Variants in STON2 observed in about 807,000 individuals in gnomAD.
STON2 encodes the protein stonin-2.
A neutral mutation model predicts 65.7 loss-of-function variants in STON2; 29 were observed. The ratio of observed to expected loss-of-function variants is 0.44; its 90% CI spans 0.33 to 0.60. The LOEUF (loss-of-function observed/expected upper bound fraction) is 0.60, where lower values mean the gene tolerates loss of function less well. Ranked by LOEUF, STON2 falls within the 20% of genes least tolerant of loss-of-function variation. STON2 has a pLI of 0.03. For missense variants in STON2, 1,054 were observed against 1,118.1 expected, an observed-to-expected ratio of 0.94 and a Z score of 0.82; for synonymous variants, 404 against 414.2, an observed-to-expected ratio of 0.98 and a Z score of 0.30.
At chr14:81,400,916 C>T (rs571881275), upstream of STON2, among the ~76,000 whole-genome samples, 6 of 152,256 alleles carry the variant, frequency 3.9e-5, no homozygotes, top group African/African-American at 7.2e-5. Flanking sequence ...AGATAATGTA[C>T]GCCAAGTACT....
In STON2 at chr14:81,266,757, C is replaced by G; in HGVS notation, c.*1657G>C. ...TCCATTTCTGTAAGGAAATATTTCT[C>G]TATAAACTACCGTGAAACCAGGTCT... On this transcript the variant is annotated 3_prime_UTR_variant, in exon 8 of 8. Transcript: ENST00000614646. 2 of 985,362 alleles carry G rather than the reference C, an allele frequency of 2.0e-6. No homozygotes were observed. The highest frequency in any genetic ancestry group is 9.4e-5 in the South Asian group (2 of 21,292). 61.0% of individuals were successfully genotyped at this position (985,362 alleles called of 1,614,324 possible).
At chr14:81,341,448 TTTTTTTTTG>T (rs201777225) in intron 4 of STON2, among the ~76,000 whole-genome samples, 12,447 of 144,936 alleles carry the variant, frequency 0.086, 871 homozygotes, top group East Asian at 0.21. Context: ...TTATAAGTGT[TTTTTTTTTG>T]TTTTTTTTTT....
At chr14:81,286,417 G>A (rs1405463217) in intron 5 of STON2, among the ~76,000 whole-genome samples, 1 of 152,148 alleles carries the variant, frequency 6.6e-6, no homozygotes, top group Non-Finnish European at 1.5e-5. Flanking sequence ...CCACCACCCT[G>A]AGGCAAGGCT....
chr14:81,265,238 CG>C lies in STON2; in HGVS notation c.*3175del, dbSNP rs1327395629. ...TTTAAACCTAGTAAAACACTCATTA[CG>C]TCTAAAAATATATAGTATTATTATC... On this transcript the variant is annotated 3_prime_UTR_variant, in exon 8 of 8. Transcript: ENST00000614646. 2.3e-5 allele frequency: 23 copies of C among 983,588 alleles called. No individual in the cohort carries two copies. Among genetic ancestry groups the C allele is most frequent in the Non-Finnish European group, 2.7e-5 (22 of 828,450 alleles). The allele number at this position is 983,588 out of a possible 1,614,324, so 60.9% of individuals were successfully genotyped here.
intron 2 of STON2, chr14:81,412,842 C>A: frequency 2.0e-6 from 1 of 490,444 alleles, no homozygotes. Flanking sequence ...AACTTTCTGT[C>A]AAACATTAAA....
intron 3 of STON2, among the ~76,000 whole-genome samples, chr14:81,379,771 T>A (rs9323701): frequency 0.013 from 2,030 of 152,078 alleles, 53 homozygotes; most frequent in African/African-American, 0.046. Flanking sequence ...ATAAATGGTG[T>A]TGAGAAAACT....
At chr14:81,435,427 G>C (rs1902378494) in intron 1 of STON2, among the ~76,000 whole-genome samples, 1 of 152,128 alleles carries the variant, frequency 6.6e-6, no homozygotes, top group South Asian at 2.1e-4. Context: ...TGTTTTTCAG[G>C]CATTGGCTCA....
At chr14:81,342,875 AAG>A (rs1897669363) in intron 4 of STON2, among the ~76,000 whole-genome samples, 1 of 152,114 alleles carries the variant, frequency 6.6e-6, no homozygotes, top group South Asian at 2.1e-4. Flanking sequence ...ACAGAGGAAA[AAG>A]AGTGGTGGTG....
At chr14:81,302,686 A>G (rs1472790387) in intron 5 of STON2, among the ~76,000 whole-genome samples, 1 of 152,234 alleles carries the variant, frequency 6.6e-6, no homozygotes, top group Non-Finnish European at 1.5e-5. Context: ...GGACACTGCA[A>G]ATGTCTCCAC....
chr14:81,270,255 T>C (rs1238057534), intron 7 of STON2: 1 of 510,122 alleles, frequency 2.0e-6, no homozygotes, highest in Non-Finnish European at 2.5e-6. Flanking sequence ...CCGGCTAATT[T>C]TGTACTTTTT....
chr14:81,418,801 CCT>C (rs1003391449), intron 2 of STON2, among the ~76,000 whole-genome samples: 1 of 152,124 alleles, frequency 6.6e-6, no homozygotes, highest in African/African-American at 2.4e-5. Flanking sequence ...TTTGCAAAGA[CCT>C]TAAAAATATT....
chr14:81,351,813 C>T (rs1054366296), intron 4 of STON2, among the ~76,000 whole-genome samples: 3 of 152,178 alleles, frequency 2.0e-5, no homozygotes, highest in Non-Finnish European at 2.9e-5. Context: ...GTGGCTGGCA[C>T]ATAGTAGTTC....
chr14:81,390,362 T>C (rs1468710602), intron 3 of STON2, among the ~76,000 whole-genome samples: 2 of 152,176 alleles, frequency 1.3e-5, no homozygotes, highest in Non-Finnish European at 2.9e-5. Flanking sequence ...CGCTATGTCT[T>C]TGAATATCCA....
chr14:81,350,118 A>G (rs1275274775), intron 4 of STON2, among the ~76,000 whole-genome samples: 1 of 152,150 alleles, frequency 6.6e-6, no homozygotes, highest in Non-Finnish European at 1.5e-5. Flanking sequence ...ACATACAGTT[A>G]GATAGAAGGA....
At chr14:81,289,810 C>T (rs1410360282) in intron 5 of STON2, among the ~76,000 whole-genome samples, 2 of 152,180 alleles carry the variant, frequency 1.3e-5, no homozygotes, top group African/African-American at 2.4e-5. Context: ...TGTCTGAGTA[C>T]TCATTTCATC....
intron 5 of STON2, among the ~76,000 whole-genome samples, chr14:81,284,266 T>A (rs985793579): frequency 1.3e-5 from 2 of 152,214 alleles, no homozygotes; most frequent in South Asian, 4.1e-4. Flanking sequence ...GTAAGCTTAG[T>A]GAACAAGGCA....
chr14:81,311,114 G>A (rs552351950), intron 5 of STON2, among the ~76,000 whole-genome samples: 1 of 152,194 alleles, frequency 6.6e-6, no homozygotes, highest in Admixed American at 6.5e-5. Flanking sequence ...GGACTTAGAT[G>A]ACCACTTCTT....
intron 4 of STON2, among the ~76,000 whole-genome samples, chr14:81,356,595 C>T (rs531291215): frequency 6.6e-6 from 1 of 152,256 alleles, no homozygotes; most frequent in South Asian, 2.1e-4. Flanking sequence ...ACCAGTTCTT[C>T]CTTGTACCTC....
chr14:81,423,016 C>G (rs1901786240), intron 2 of STON2, among the ~76,000 whole-genome samples: 1 of 148,868 alleles, frequency 6.7e-6, no homozygotes, highest in Admixed American at 6.7e-5. Context: ...GCCTGGGAGA[C>G]AGGGCAAGAC....
Sources: allele counts gnomAD v4.1 joint callset (sites outside exome capture counted in the v4.1 genomes callset), GRCh38; gene constraint gnomAD v4.1.1; transcripts MANE v1.5; gene names NCBI Gene and HGNC (gene_info 2026-07-23, HGNC 2026-07-21).